IQCM: variants seen among roughly 807,000 people sequenced by gnomAD.
The protein encoded by IQCM is IQ motif containing M, also known as IQ domain-containing protein M.
Under a neutral mutation model 57.6 loss-of-function variants are expected in IQCM, and 45 were observed. The observed-to-expected ratio is 0.78, with a 90% CI of 0.62 to 1.00. The LOEUF (loss-of-function observed/expected upper bound fraction) is 1.00. IQCM is among the 50% of genes least tolerant of loss of function. The probability of loss-of-function intolerance (pLI) is 0.00; values close to 1 mark genes in which losing one functional copy is unlikely to be tolerated. For synonymous variants in IQCM, 148 were observed against 158.9 expected, an observed-to-expected ratio of 0.93 and a Z score of 0.51; for missense variants, 468 against 511.6, an observed-to-expected ratio of 0.91 and a Z score of 0.82.
intron 8 of IQCM, among the ~76,000 whole-genome samples, chr4:149,592,227 A>G (rs1194994005): frequency 1.3e-5 from 2 of 152,088 alleles, no homozygotes; most frequent in African/African-American, 4.8e-5. Context: ...ATTTTTTCAT[A>G]TACCTGTTGG....
intron 13 of IQCM, among the ~76,000 whole-genome samples, chr4:149,409,303 C>A (rs1423049524): frequency 6.6e-6 from 1 of 152,238 alleles, no homozygotes; most frequent in Non-Finnish European, 1.5e-5. Flanking sequence ...AGGGGTTGGA[C>A]TGTGGCCCAT....
intron 13 of IQCM, among the ~76,000 whole-genome samples, chr4:149,396,313 G>C (rs1211981085): frequency 6.6e-6 from 1 of 150,762 alleles, no homozygotes; most frequent in Non-Finnish European, 1.5e-5. Context: ...AATAAGTACA[G>C]GTATACATAT....
At chr4:149,773,760 A>T (rs1770814550) in intron 2 of IQCM, among the ~76,000 whole-genome samples, 1 of 152,122 alleles carries the variant, frequency 6.6e-6, no homozygotes, top group Non-Finnish European at 1.5e-5. Flanking sequence ...TAAAAGTTAG[A>T]ATAATTATTT....
intron 2 of IQCM, among the ~76,000 whole-genome samples, chr4:149,764,578 T>C (rs1280792027): frequency 7.9e-5 from 12 of 152,150 alleles, no homozygotes; most frequent in Non-Finnish European, 1.5e-5. Context: ...ACATTTTGTA[T>C]GACTCCCCTG....
At chr4:149,583,514 G>A (rs922906156) in intron 9 of IQCM, among the ~76,000 whole-genome samples, 2 of 151,398 alleles carry the variant, frequency 1.3e-5, no homozygotes, top group African/African-American at 2.4e-5. Context: ...AGCTTTCGAA[G>A]TTCAACAAAA....
chr4:149,420,923 A>G (rs942310189), intron 13 of IQCM, among the ~76,000 whole-genome samples: 6 of 152,030 alleles, frequency 3.9e-5, no homozygotes, highest in African/African-American at 1.4e-4. Flanking sequence ...TCTGCCTCTA[A>G]GTCTTACTAT....
intron 12 of IQCM, among the ~76,000 whole-genome samples, chr4:149,464,556 C>T (rs1738642898): frequency 6.6e-6 from 1 of 152,164 alleles, no homozygotes; most frequent in Non-Finnish European, 1.5e-5. Context: ...CCTCAGGCAT[C>T]ATGCCTTGCT....
At chr4:149,402,413 A>G (rs1465365505) in intron 13 of IQCM, among the ~76,000 whole-genome samples, 1 of 151,822 alleles carries the variant, frequency 6.6e-6, no homozygotes, top group African/African-American at 2.4e-5. Context: ...TAATATTCAC[A>G]GGTTATAAAC....
chr4:149,445,254 G>A (rs1333999750), intron 12 of IQCM, among the ~76,000 whole-genome samples: 2 of 151,744 alleles, frequency 1.3e-5, no homozygotes, highest in African/African-American at 4.8e-5. Context: ...GGCCAAATGG[G>A]CAACAGGACT....
intron 13 of IQCM, among the ~76,000 whole-genome samples, chr4:149,424,572 T>G (rs1162970444): frequency 6.6e-6 from 1 of 151,848 alleles, no homozygotes; most frequent in Non-Finnish European, 1.5e-5. Flanking sequence ...AATCTAGATA[T>G]TAAAGTTTAT....
intron 2 of IQCM, among the ~76,000 whole-genome samples, chr4:149,805,414 G>A (rs77351370): frequency 0.029 from 4,340 of 151,982 alleles, 213 homozygotes; most frequent in African/African-American, 0.099. Flanking sequence ...AGTGTTTTTC[G>A]ACATTTTCCA....
At chr4:149,589,165 A>G (rs2726758) in intron 8 of IQCM, among the ~76,000 whole-genome samples, 32,493 of 151,898 alleles carry the variant, frequency 0.21, 4,352 homozygotes, top group Non-Finnish European at 0.29. Context: ...TTTGTATAAA[A>G]TAGCTTTTAA....
At chr4:149,476,522 T>C (rs1352020224) in intron 12 of IQCM, among the ~76,000 whole-genome samples, 1 of 152,178 alleles carries the variant, frequency 6.6e-6, no homozygotes, top group Admixed American at 6.6e-5. Context: ...GTGGTCACTA[T>C]GTGAGTCTAC....
chr4:149,445,832 A>C (rs539373732), intron 12 of IQCM, among the ~76,000 whole-genome samples: 1 of 151,958 alleles, frequency 6.6e-6, no homozygotes, highest in Admixed American at 6.6e-5. Flanking sequence ...GAAAATAAAA[A>C]AGGAATATCA....
At chr4:149,619,796 A>C (rs1756156416) in intron 8 of IQCM, among the ~76,000 whole-genome samples, 1 of 152,202 alleles carries the variant, frequency 6.6e-6, no homozygotes. Flanking sequence ...GAGGTAATTA[A>C]GATTAAATGA....
chr4:149,405,504 C>A (rs572402414), intron 13 of IQCM, among the ~76,000 whole-genome samples: 1 of 151,632 alleles, frequency 6.6e-6, no homozygotes, highest in Non-Finnish European at 1.5e-5. Context: ...CACATGCATA[C>A]CTATGTATCA....
chr4:149,486,067 C>G (rs1237302115), intron 12 of IQCM, among the ~76,000 whole-genome samples: 1 of 149,046 alleles, frequency 6.7e-6, no homozygotes, highest in African/African-American at 2.5e-5. Context: ...CTCTCTCTTT[C>G]TCTGTCTGTT....
intron 12 of IQCM, among the ~76,000 whole-genome samples, chr4:149,448,176 T>C (rs1347726157): frequency 6.6e-6 from 1 of 151,666 alleles, no homozygotes; most frequent in Non-Finnish European, 1.5e-5. Context: ...TTCAATATGC[T>C]CTATGACTAA....
intron 8 of IQCM, among the ~76,000 whole-genome samples, chr4:149,601,891 A>G (rs990889398): frequency 6.6e-6 from 1 of 152,060 alleles, no homozygotes; most frequent in Admixed American, 6.6e-5. Flanking sequence ...TCTACTAAAA[A>G]TACAAAAACA....
Sources: gnomAD v4.1 joint callset for allele counts (sites outside exome capture counted in the v4.1 genomes callset) on GRCh38, gnomAD v4.1.1 for gene constraint, MANE v1.5 for transcripts, NCBI Gene and HGNC (gene_info 2026-07-23, HGNC 2026-07-21) for gene names.